The following FBXL7 variants were observed in gnomAD, a reference collection of about 807,000 sequenced individuals.
FBXL7 encodes F-box and leucine rich repeat protein 7.
In FBXL7, 12 loss-of-function variants were observed where a neutral mutation model predicts 38.3. That is an observed-to-expected ratio of 0.31 (90% CI 0.20 to 0.51). FBXL7 has a LOEUF of 0.51. Ranked by LOEUF, FBXL7 falls within the 20% of genes least tolerant of loss-of-function variation. The pLI, the probability that FBXL7 is intolerant of heterozygous loss-of-function variation, is 0.98. For synonymous variants in FBXL7, 297 were observed against 300.9 expected, an observed-to-expected ratio of 0.99 and a Z score of 0.13; for missense variants, 567 against 676.4, an observed-to-expected ratio of 0.84 and a Z score of 1.79.
At chr5:15,524,736 C>G (rs532913036) in intron 1 of FBXL7, among the ~76,000 whole-genome samples, 1 of 152,300 alleles carries the variant, frequency 6.6e-6, no homozygotes, top group East Asian at 1.9e-4. Flanking sequence ...GTGTTAGACT[C>G]CATTTTATCC....
chr5:15,634,180 A>G (rs1741095796), intron 2 of FBXL7, among the ~76,000 whole-genome samples: 1 of 152,170 alleles, frequency 6.6e-6, no homozygotes, highest in Non-Finnish European at 1.5e-5. Context: ...TGAATTCTGA[A>G]TAATGAACAG....
intron 1 of FBXL7, among the ~76,000 whole-genome samples, chr5:15,604,502 G>T (rs560589509): frequency 1.7e-4 from 26 of 152,220 alleles, no homozygotes; most frequent in African/African-American, 6.3e-4. Context: ...CTACAGGCGT[G>T]TGCCACCACA....
intron 1 of FBXL7, among the ~76,000 whole-genome samples, chr5:15,573,595 G>C (rs186512295): frequency 6.6e-6 from 1 of 152,198 alleles, no homozygotes; most frequent in Admixed American, 6.5e-5. Context: ...AGAAGTCACA[G>C]TTTGGAATTT....
At chr5:15,843,162 A>G (rs188870604) in intron 2 of FBXL7, among the ~76,000 whole-genome samples, 1 of 152,316 alleles carries the variant, frequency 6.6e-6, no homozygotes, top group Admixed American at 6.5e-5. Context: ...GTGTTAAGAT[A>G]TTTGTATATG....
chr5:15,758,044 C>A (rs899997460), intron 2 of FBXL7, among the ~76,000 whole-genome samples: 1 of 152,052 alleles, frequency 6.6e-6, no homozygotes, highest in African/African-American at 2.4e-5. Flanking sequence ...ACAGGTAGCA[C>A]CATGGAATCA....
chr5:15,938,624 C>G lies in FBXL7; in HGVS notation c.*1438C>G. On this transcript the variant is annotated 3_prime_UTR_variant, in exon 4 of 4. Coordinates refer to ENST00000504595, the MANE Select transcript of FBXL7 (RefSeq NM_012304.5). ...CTTCCAGGTGTTTAAATTCTGTTCACTCAACAATGCCAGATGAATGGAAGA... is the reference window on the plus strand; with the variant it reads ...CTTCCAGGTGTTTAAATTCTGTTCAGTCAACAATGCCAGATGAATGGAAGA... The G allele has an allele frequency of 1.1e-5, 2 of 174,432 alleles. No individual in the cohort carries two copies. The highest frequency in any genetic ancestry group is 2.4e-5 in the Non-Finnish European group (2 of 83,110). 10.8% of individuals were successfully genotyped at this position (174,432 alleles called of 1,614,324 possible).
chr5:15,655,877 A>T (rs114692602), intron 2 of FBXL7, among the ~76,000 whole-genome samples: 46 of 152,336 alleles, frequency 3.0e-4, no homozygotes, highest in African/African-American at 1.0e-3. Context: ...TGCTGCAAAC[A>T]CAGTACTGTT....
chr5:15,591,531 C>T (rs542799866), intron 1 of FBXL7, among the ~76,000 whole-genome samples: 1 of 151,992 alleles, frequency 6.6e-6, no homozygotes, highest in South Asian at 2.1e-4. Context: ...AAGGTTTGGG[C>T]ACCTAGGAAG....
chr5:15,551,175 A>G (rs2126422080), intron 1 of FBXL7, among the ~76,000 whole-genome samples: 1 of 152,274 alleles, frequency 6.6e-6, no homozygotes, highest in South Asian at 2.1e-4. Flanking sequence ...TATTAGAGAA[A>G]TCACTGCCTG....
intron 2 of FBXL7, among the ~76,000 whole-genome samples, chr5:15,623,252 C>T (rs183564191): frequency 6.6e-5 from 10 of 152,244 alleles, no homozygotes; most frequent in African/African-American, 1.4e-4. Flanking sequence ...GGATCTGCCC[C>T]GTAGGTAAAA....
At chr5:15,563,009 A>G (rs1738460361) in intron 1 of FBXL7, among the ~76,000 whole-genome samples, 1 of 152,130 alleles carries the variant, frequency 6.6e-6, no homozygotes, top group South Asian at 2.1e-4. Flanking sequence ...GGTTGGGGAA[A>G]ATATAGCAGA....
intron 2 of FBXL7, among the ~76,000 whole-genome samples, chr5:15,819,295 T>C (rs1738106108): frequency 6.6e-6 from 1 of 151,992 alleles, no homozygotes; most frequent in Non-Finnish European, 1.5e-5. Flanking sequence ...AATTTCTAAT[T>C]ATACTGTTGC....
intron 1 of FBXL7, among the ~76,000 whole-genome samples, chr5:15,592,381 G>A (rs1196249446): frequency 6.6e-6 from 1 of 152,168 alleles, no homozygotes; most frequent in Non-Finnish European, 1.5e-5. Flanking sequence ...GGCAATTTAA[G>A]TTCCTGCGCT....
intron 2 of FBXL7, among the ~76,000 whole-genome samples, chr5:15,919,623 A>T (rs1741688233): frequency 1.3e-5 from 2 of 152,244 alleles, no homozygotes; most frequent in African/African-American, 4.8e-5. Flanking sequence ...ATATTAACAT[A>T]AAAAAGTACG....
chr5:15,932,614 A>G (rs1742065856), intron 3 of FBXL7, among the ~76,000 whole-genome samples: 1 of 152,180 alleles, frequency 6.6e-6, no homozygotes, highest in African/African-American at 2.4e-5. Context: ...ATCCTTTCAG[A>G]CACCCTAAGT....
chr5:15,732,066 C>T (rs1216619145), intron 2 of FBXL7, among the ~76,000 whole-genome samples: 1 of 152,172 alleles, frequency 6.6e-6, no homozygotes, highest in Non-Finnish European at 1.5e-5. Context: ...CTGTTTTGCC[C>T]ATGATATGTT....
At chr5:15,834,611 GAGA>G in intron 2 of FBXL7, among the ~76,000 whole-genome samples, 1 of 152,262 alleles carries the variant, frequency 6.6e-6, no homozygotes, top group East Asian at 1.9e-4. Context: ...CCCGATAGAG[GAGA>G]AGCTCTCCAG....
At chr5:15,676,405 A>T (rs1742656097) in intron 2 of FBXL7, among the ~76,000 whole-genome samples, 1 of 152,228 alleles carries the variant, frequency 6.6e-6, no homozygotes, top group Non-Finnish European at 1.5e-5. Flanking sequence ...TATTGATGCC[A>T]AGGTTTTCAC....
chr5:15,695,709 T>G (rs551949505), intron 2 of FBXL7, among the ~76,000 whole-genome samples: 52 of 152,252 alleles, frequency 3.4e-4, no homozygotes, highest in African/African-American at 1.2e-3. Context: ...GAAGTAGGCT[T>G]TATTATCTCC....
Sources: gnomAD v4.1 joint callset for allele counts (sites outside exome capture counted in the v4.1 genomes callset) on GRCh38, gnomAD v4.1.1 for gene constraint, MANE v1.5 for transcripts, NCBI Gene and HGNC (gene_info 2026-07-23, HGNC 2026-07-21) for gene names.